Variants in BCAS3 observed in about 807,000 individuals in gnomAD.
BCAS3 encodes the protein BCAS4/BCAS3 fusion.
In BCAS3, 53 loss-of-function variants were observed where a neutral mutation model predicts 116.1. The observed-to-expected ratio is 0.46, with a 90% CI of 0.37 to 0.57. BCAS3 has a LOEUF of 0.57. Among genes scored for constraint, BCAS3 ranks in the 20% least tolerant of loss-of-function variants. The pLI, the probability that BCAS3 is intolerant of heterozygous loss-of-function variation, is 0.00. For missense variants in BCAS3, 917 were observed against 1,165.4 expected, an observed-to-expected ratio of 0.79 and a Z score of 3.10; for synonymous variants, 391 against 408.2, an observed-to-expected ratio of 0.96 and a Z score of 0.51.
chr17:60,898,898 T>C (rs1348120882), intron 10 of BCAS3, among the ~76,000 whole-genome samples: 2 of 151,970 alleles, frequency 1.3e-5, no homozygotes, highest in Non-Finnish European at 2.9e-5. Flanking sequence ...AGCTTGCAGG[T>C]AGGTGCCAGC....
intron 7 of BCAS3, among the ~76,000 whole-genome samples, chr17:60,814,301 G>GCGCGCA (rs1568308891): frequency 7.5e-6 from 1 of 133,974 alleles, no homozygotes; most frequent in African/African-American, 4.0e-5. Context: ...GTGTGTGTGT[G>GCGCGCA]TGTGTGCGCG....
rs555842677 is a variant in BCAS3, at chr17:61,135,816, T to C, written c.2425+51252T>C. 3 of 152,376 alleles carry C rather than the reference T, an allele frequency of 2.0e-5. No homozygotes were observed. In the East Asian group the frequency reaches 5.8e-4, roughly 29 times the overall value. 9.4% of individuals were successfully genotyped at this position (152,376 alleles called of 1,614,324 possible). ...TTATCTATGGCTGCTCTCCCTATGATGGCAGAGTTGAGCAGCTGTAACAGA... is the reference window on the plus strand; with the variant it reads ...TTATCTATGGCTGCTCTCCCTATGACGGCAGAGTTGAGCAGCTGTAACAGA... On this transcript the variant is annotated intron_variant, in intron 22 of 23. Coordinates refer to ENST00000407086, the MANE Select transcript of BCAS3 (RefSeq NM_017679.5).
At chr17:60,765,859 T>C (rs1340513285) in intron 6 of BCAS3, among the ~76,000 whole-genome samples, 1 of 152,226 alleles carries the variant, frequency 6.6e-6, no homozygotes, top group Admixed American at 6.5e-5. Context: ...TTTCACATAG[T>C]CCTATATTTC....
chr17:61,222,694 A>G lies in BCAS3; in HGVS notation c.2425+138130A>G, dbSNP rs991007083. 1.3e-5 allele frequency among the ~76,000 whole-genome samples: 2 copies of G among 151,224 alleles called. No homozygotes were observed. The highest frequency in any genetic ancestry group is 4.9e-5 in the African/African-American group (2 of 41,088). On this transcript the variant is annotated intron_variant, in intron 22 of 23. Coordinates refer to ENST00000407086, the MANE Select transcript of BCAS3 (RefSeq NM_017679.5). The surrounding 1 kb of genome is among the most constrained non-coding windows in gnomAD (Gnocchi z 6.1). ...TGGGTTTTTTTTGTTTGTTTGTTTA[A>G]TTTTCATTCAGCAACCAGTGGTCTT... is the stretch of plus-strand genomic sequence containing the variant.
chr17:61,230,101 G>GCGTGCAGGCTGA (rs1365528102), intron 22 of BCAS3, among the ~76,000 whole-genome samples: 1 of 151,500 alleles, frequency 6.6e-6, no homozygotes, highest in South Asian at 2.1e-4. Context: ...CTCCAGCCTG[G>GCGTGCAGGCTGA]GTGACAGAGC....
intron 6 of BCAS3, among the ~76,000 whole-genome samples, chr17:60,775,894 T>A (rs566049500): frequency 6.6e-6 from 1 of 152,292 alleles, no homozygotes; most frequent in Non-Finnish European, 1.5e-5. Flanking sequence ...AAGAGGTCCA[T>A]GCATTCATTG....
rs2075578242 is a variant in BCAS3 at position 61,118,021 on chromosome 17, T to C, written c.2425+33457T>C. Among the ~76,000 whole-genome samples, 1 of 152,246 alleles carries C rather than the reference T, an allele frequency of 6.6e-6. No individual in the cohort carries two copies. The highest frequency in any genetic ancestry group is 2.1e-4 in the South Asian group (1 of 4,834). ...TCTGTCATCTTGGTGTTGATATCTA[T>C]TGATTGTCTTTTTTTCATTTGTTAT... On this transcript the variant is annotated intron_variant, in intron 22 of 23. Transcript: ENST00000407086. This position sits in a 1 kb window ranked among gnomAD's most constrained non-coding sequence, Gnocchi z 5.0.
intron 10 of BCAS3, 34 bp from the exon 11 acceptor site, chr17:60,902,586 T>C (rs1206539082): frequency 1.3e-6 from 2 of 1,515,392 alleles, no homozygotes; most frequent in Admixed American, 3.3e-5. Flanking sequence ...TTAATAGAAA[T>C]GACGTTCTGC....
chr17:61,172,107 A>G (rs755813979), intron 22 of BCAS3, among the ~76,000 whole-genome samples: 12 of 152,246 alleles, frequency 7.9e-5, no homozygotes, highest in East Asian at 1.9e-4. Context: ...AACACATGAA[A>G]CAAAACTGAT....
At chr17:61,277,258 G>A (rs1275846466) in intron 22 of BCAS3, among the ~76,000 whole-genome samples, 9 of 71,766 alleles carry the variant, frequency 1.3e-4, no homozygotes, top group African/African-American at 4.2e-4. Flanking sequence ...GCAAGACCCT[G>A]TATCAAAAAA....
rs4456563 is a variant in BCAS3 at position 61,136,563 on chromosome 17, C to T, written c.2425+51999C>T. Among the ~76,000 whole-genome samples the T allele has an allele frequency of 6.9e-3, 1,049 of 152,194 alleles. 8 individuals carry two copies. Among genetic ancestry groups the T allele is most frequent in the Middle Eastern group, 0.024 (7 of 294 alleles). On this transcript the variant is annotated intron_variant, in intron 22 of 23. Coordinates refer to ENST00000407086, the MANE Select transcript of BCAS3 (RefSeq NM_017679.5). This position sits in a 1 kb window ranked among gnomAD's most constrained non-coding sequence, Gnocchi z 4.4. ...TGTCCCCTTGTGGACAAAATTGTCC[C>T]ATTTATTTATTGAGAGACGGAGGCT...
rs1271008734 is a variant in BCAS3 at position 61,088,824 on chromosome 17, A to T, written c.2425+4260A>T. 1.3e-5 allele frequency among the ~76,000 whole-genome samples: 2 copies of T among 152,194 alleles called. No homozygotes were observed. The highest frequency in any genetic ancestry group is 2.4e-5 in the African/African-American group (1 of 41,460). On this transcript the variant is annotated intron_variant, in intron 22 of 23. Coordinates refer to ENST00000407086, the MANE Select transcript of BCAS3 (RefSeq NM_017679.5). The surrounding 1 kb of genome is among the most constrained non-coding windows in gnomAD (Gnocchi z 4.2). ...TGCGTGACTCATATGCAGAGCAGACATCTTTATCAAACTCTATTAAAGAAA... is the reference window on the plus strand; with the variant it reads ...TGCGTGACTCATATGCAGAGCAGACTTCTTTATCAAACTCTATTAAAGAAA...
At chr17:60,721,008 GC>G (rs901739482) in intron 5 of BCAS3, among the ~76,000 whole-genome samples, 21 of 152,136 alleles carry the variant, frequency 1.4e-4, no homozygotes, top group Non-Finnish European at 2.9e-5. Flanking sequence ...TTGCCCTAAA[GC>G]TTTTTGTGTA....
rs914175679 is a variant in BCAS3 at position 61,040,715 on chromosome 17, A to G, written c.1929-77A>G. On this transcript the variant is annotated intron_variant, in intron 18 of 23. Transcript: ENST00000407086. ...GTAGTGTGAGTTTAAGTCACTGTTC[A>G]TAAGTGATGACAGTCATGGTGATTT... 6.7e-5 allele frequency: 79 copies of G among 1,185,690 alleles called. 1 individual carries two copies. The highest frequency in any genetic ancestry group is 3.8e-4 in the Middle Eastern group (2 of 5,220). The allele number at this position is 1,185,690 out of a possible 1,614,324, so 73.4% of individuals were successfully genotyped here.
chr17:61,074,997 G>A lies in BCAS3; in HGVS notation c.2107G>A (p.Glu703Lys). ...DSLASDHSGQEDEEWLSQVEI... is the reference protein window; with the variant it reads ...DSLASDHSGQKDEEWLSQVEI... ...TTTAGCTTCTGACCATAGTGGACAG[G>A]AAGATGAAGAATGGCTTTCCCAGGT... The change falls in exon 20 of 24, where the codon GAA (glutamate) becomes AAA (lysine). Residue 703 changes from glutamate (E) to lysine (K), a missense_variant. By Grantham distance (56) the Glu-to-Lys change is moderately conservative. Around this residue, in one of 3 missense-constraint regions of BCAS3, gnomAD observed 807 missense variants for 1,026.0 expected, o/e 0.79. Coordinates refer to ENST00000407086, the MANE Select transcript of BCAS3 (RefSeq NM_017679.5). 2 of 1,612,564 alleles carry A rather than the reference G, an allele frequency of 1.2e-6. No homozygotes were observed. The highest frequency in any genetic ancestry group is 1.7e-6 in the Non-Finnish European group (2 of 1,178,862).
chr17:61,055,525 T>C (rs1428112857), intron 19 of BCAS3, among the ~76,000 whole-genome samples: 1 of 152,188 alleles, frequency 6.6e-6, no homozygotes, highest in Non-Finnish European at 1.5e-5. Context: ...TCATTATCCA[T>C]TTATAATAAG....
At chr17:61,284,016 G>A (rs1470782859) in intron 22 of BCAS3, among the ~76,000 whole-genome samples, 2 of 152,188 alleles carry the variant, frequency 1.3e-5, no homozygotes, top group Non-Finnish European at 2.9e-5. Context: ...GGTGAAGCCG[G>A]CTGGGCTTCT....
rs970317457 is a variant in BCAS3 at position 61,248,584 on chromosome 17, T to C, written c.2426-119743T>C. The stretch of plus-strand genomic sequence containing the variant: ...TGGTGAGAATTTGTCTGGTTTGTGC[T>C]TCCTCAGCAGGGAGGAAGTAGCAGT... On this transcript the variant is annotated intron_variant, in intron 22 of 23. Coordinates refer to ENST00000407086, the MANE Select transcript of BCAS3 (RefSeq NM_017679.5). This position sits in a 1 kb window ranked among gnomAD's most constrained non-coding sequence, Gnocchi z 4.3. 3.3e-5 allele frequency among the ~76,000 whole-genome samples: 5 copies of C among 152,192 alleles called. No homozygotes were observed. Among genetic ancestry groups the C allele is most frequent in the Admixed American group, 6.5e-5 (1 of 15,278 alleles).
chr17:61,313,691 T>C lies in BCAS3; in HGVS notation c.2426-54636T>C, dbSNP rs1483407911. Reference sequence around the variant, plus strand: ...CTGGAGGAGGACTTTCCGGCCAGGGTACAGCTCCTCTAGGCTGAGGCAGTT... The same window carrying C: ...CTGGAGGAGGACTTTCCGGCCAGGGCACAGCTCCTCTAGGCTGAGGCAGTT... On this transcript the variant is annotated intron_variant, in intron 22 of 23. Transcript: ENST00000407086. The surrounding 1 kb of genome is among the most constrained non-coding windows in gnomAD (Gnocchi z 4.3). Among the ~76,000 whole-genome samples, 1 of 152,168 alleles carries C rather than the reference T, an allele frequency of 6.6e-6. No homozygotes were observed. Among genetic ancestry groups the C allele is most frequent in the African/African-American group, 2.4e-5 (1 of 41,436 alleles).
Sources: gnomAD v4.1 joint callset for allele counts (sites outside exome capture counted in the v4.1 genomes callset) on GRCh38, gnomAD v4.1.1 for gene constraint, gnomAD v4.1.1 regional missense constraint, Gnocchi (gnomAD v3.1) non-coding constraint, MANE v1.5 for transcripts, NCBI Gene and HGNC (gene_info 2026-07-23, HGNC 2026-07-21) for gene names.